PRDM5: variants seen among roughly 807,000 people sequenced by gnomAD.
PRDM5 encodes PR/SET domain 5, also known as PR domain zinc finger protein 5.
In PRDM5, 56 loss-of-function variants were observed where a neutral mutation model predicts 81.2. The ratio of observed to expected loss-of-function variants is 0.69; its 90% confidence interval spans 0.56 to 0.86. The LOEUF (loss-of-function observed/expected upper bound fraction) is 0.86. Among genes scored for constraint, PRDM5 ranks in the 40% least tolerant of loss-of-function variants. The pLI, the probability that PRDM5 is intolerant of heterozygous loss-of-function variation, is 0.00. For synonymous variants in PRDM5, 267 were observed against 256.4 expected (o/e 1.04, Z -0.39); for missense variants, 697 against 770.1 (o/e 0.91, Z 1.12).
At chr4:120,763,908 C>T (rs1249752252) in intron 13 of PRDM5, among the ~76,000 whole-genome samples, 1 of 150,458 alleles carries the variant, frequency 6.6e-6, no homozygotes, top group African/African-American at 2.4e-5. Flanking sequence ...ATTGTCTCTC[C>T]CATAAAACTA....
intron 3 of PRDM5, among the ~76,000 whole-genome samples, chr4:120,848,711 G>T (rs1169251700): frequency 6.6e-6 from 1 of 151,974 alleles, no homozygotes; most frequent in Non-Finnish European, 1.5e-5. Context: ...ATGCAAATTT[G>T]CCCTGTCAAT....
At chr4:120,715,503 C>T (rs1192503466) in intron 14 of PRDM5, among the ~76,000 whole-genome samples, 1 of 152,120 alleles carries the variant, frequency 6.6e-6, no homozygotes, top group East Asian at 1.9e-4. Flanking sequence ...AATGTCTTTT[C>T]ACAACTTCAA....
intron 2 of PRDM5, among the ~76,000 whole-genome samples, chr4:120,890,561 C>T: frequency 6.6e-6 from 1 of 152,210 alleles, no homozygotes; most frequent in East Asian, 1.9e-4. Flanking sequence ...TCCACAATGG[C>T]TGAACTTATT....
chr4:120,691,363 A>T (rs1190558028), downstream of PRDM5, among the ~76,000 whole-genome samples: 1 of 152,142 alleles, frequency 6.6e-6, no homozygotes, highest in East Asian at 1.9e-4. Flanking sequence ...CCAAAGAACT[A>T]GTGCCTCAGC....
At chr4:120,836,299 T>C (rs2149381595) in intron 3 of PRDM5, among the ~76,000 whole-genome samples, 1 of 152,320 alleles carries the variant, frequency 6.6e-6, no homozygotes, top group South Asian at 2.1e-4. Flanking sequence ...ACGTATTGTT[T>C]ATTATCATCT....
At chr4:120,755,676 T>C (rs1744630502) in intron 13 of PRDM5, among the ~76,000 whole-genome samples, 1 of 152,162 alleles carries the variant, frequency 6.6e-6, no homozygotes, top group African/African-American at 2.4e-5. Flanking sequence ...GTGACTACTT[T>C]TCAACAAGGC....
At chr4:120,878,871 A>G (rs1033503264) in intron 2 of PRDM5, among the ~76,000 whole-genome samples, 8 of 152,232 alleles carry the variant, frequency 5.3e-5, no homozygotes, top group Non-Finnish European at 8.8e-5. Flanking sequence ...GCCAAAATCT[A>G]AAACACTGAC....
chr4:120,698,396 C>T (rs1006731950), intron 15 of PRDM5, among the ~76,000 whole-genome samples: 2 of 152,104 alleles, frequency 1.3e-5, no homozygotes, highest in Admixed American at 6.6e-5. Context: ...TTTTATTCCC[C>T]TTTATTTTCC....
intron 12 of PRDM5, among the ~76,000 whole-genome samples, chr4:120,777,557 A>G (rs1372899779): frequency 6.6e-6 from 1 of 152,152 alleles, no homozygotes; most frequent in East Asian, 1.9e-4. Context: ...ATTAAATTAT[A>G]CAAACCAGTA....
At chr4:120,839,372 G>C in intron 3 of PRDM5, 1 of 687,696 alleles carries the variant, frequency 1.5e-6, no homozygotes, top group Admixed American at 2.0e-5. Flanking sequence ...GAAACCTGCA[G>C]GTTTTCTTTC....
intron 13 of PRDM5, among the ~76,000 whole-genome samples, chr4:120,758,824 C>T (rs1436101974): frequency 6.6e-6 from 1 of 151,510 alleles, no homozygotes; most frequent in African/African-American, 2.4e-5. Flanking sequence ...GGCGCGATCT[C>T]GACTCACTGC....
chr4:120,882,258 C>T, intron 2 of PRDM5, among the ~76,000 whole-genome samples: 1 of 152,220 alleles, frequency 6.6e-6, no homozygotes. Context: ...AGCGATTCTC[C>T]TGTCTCAGCT....
chr4:120,698,577 C>T (rs1183085913), intron 15 of PRDM5, among the ~76,000 whole-genome samples: 1 of 152,122 alleles, frequency 6.6e-6, no homozygotes, highest in Non-Finnish European at 1.5e-5. Context: ...TTAGTCCAGT[C>T]CCCCTTCTGA....
intron 3 of PRDM5, chr4:120,838,970 G>A (rs1366580721): frequency 3.8e-6 from 2 of 522,582 alleles, no homozygotes; most frequent in African/African-American, 3.8e-5. Flanking sequence ...GCAGCTCCAG[G>A]TGCCAGCACA....
intron 2 of PRDM5, among the ~76,000 whole-genome samples, chr4:120,886,247 G>GT (rs1763428380): frequency 6.6e-6 from 1 of 152,188 alleles, no homozygotes; most frequent in Admixed American, 6.5e-5. Context: ...AAAACATTTG[G>GT]TAAAAAGAAT....
chr4:120,740,990 AT>A (rs1741846426), intron 14 of PRDM5, among the ~76,000 whole-genome samples: 1 of 152,042 alleles, frequency 6.6e-6, no homozygotes, highest in Admixed American at 6.6e-5. Context: ...ATGCAGTCAC[AT>A]TTTTTTCTGG....
chr4:120,889,724 C>T (rs1166967419), intron 2 of PRDM5, among the ~76,000 whole-genome samples: 2 of 152,140 alleles, frequency 1.3e-5, no homozygotes, highest in Non-Finnish European at 2.9e-5. Flanking sequence ...TCCTCTCCCT[C>T]CTCAAGTAGG....
chr4:120,745,092 T>A (rs1257097669), intron 14 of PRDM5, among the ~76,000 whole-genome samples: 1 of 135,984 alleles, frequency 7.4e-6, no homozygotes, highest in Non-Finnish European at 1.6e-5. Flanking sequence ...CATGATCAAG[T>A]GGGCTTCATC....
intron 10 of PRDM5, among the ~76,000 whole-genome samples, chr4:120,793,821 T>A (rs570688672): frequency 2.0e-5 from 3 of 152,136 alleles, no homozygotes; most frequent in Non-Finnish European, 4.4e-5. Flanking sequence ...AACGTGTGAG[T>A]AATGAATACA....
Sources: allele counts gnomAD v4.1 joint callset (sites outside exome capture counted in the v4.1 genomes callset), GRCh38; gene constraint gnomAD v4.1.1; transcripts MANE v1.5; gene names NCBI Gene and HGNC (gene_info 2026-07-23, HGNC 2026-07-21).